NUP35: variants seen among roughly 807,000 people sequenced by gnomAD.
NUP35 encodes the protein nucleoporin 35, also known as nucleoporin NUP35.
In NUP35, 25 loss-of-function variants were observed where a neutral mutation model predicts 41.5. The ratio of observed to expected loss-of-function variants is 0.60; its 90% CI spans 0.44 to 0.84. The LOEUF is 0.84. Among genes scored for constraint, NUP35 ranks in the 40% least tolerant of loss-of-function variants. NUP35 has a pLI of 0.00. For synonymous variants in NUP35, 149 were observed against 130.7 expected, an observed-to-expected ratio of 1.14 and a Z score of -0.96; for missense variants, 396 against 396.6, an observed-to-expected ratio of 1.00 and a Z score of 0.01.
chr2:183,146,206 A>G (rs1469614683), intron 4 of NUP35, among the ~76,000 whole-genome samples: 1 of 152,214 alleles, frequency 6.6e-6, no homozygotes, highest in African/African-American at 2.4e-5. Context: ...ACTGCACTCC[A>G]GCCTGGGCAA....
intron 4 of NUP35, among the ~76,000 whole-genome samples, chr2:183,135,485 A>T (rs976058953): frequency 6.6e-6 from 1 of 152,202 alleles, no homozygotes; most frequent in Non-Finnish European, 1.5e-5. Flanking sequence ...TATTGTCACA[A>T]TTGGTCTTTA....
At chr2:183,119,421 A>T (rs540139899) in intron 1 of NUP35, among the ~76,000 whole-genome samples, 3 of 152,286 alleles carry the variant, frequency 2.0e-5, no homozygotes, top group South Asian at 2.1e-4. Context: ...CAGCAAAGTG[A>T]GGTGAAGAGA....
chr2:183,151,673 T>C (rs1271319085), intron 5 of NUP35, 24 bp downstream of exon 5: 3 of 1,592,740 alleles, frequency 1.9e-6, no homozygotes, highest in Non-Finnish European at 2.6e-6. Context: ...ACCATTTGCC[T>C]TTTAAAAACC....
chr2:183,120,266 C>T (rs991232563), upstream of NUP35, among the ~76,000 whole-genome samples: 1 of 151,958 alleles, frequency 6.6e-6, no homozygotes, highest in Non-Finnish European at 1.5e-5. Flanking sequence ...GCCAACATGG[C>T]AAAACCCTGT....
intron 4 of NUP35, among the ~76,000 whole-genome samples, chr2:183,143,098 G>A (rs1685157034): frequency 6.6e-6 from 1 of 150,640 alleles, no homozygotes; most frequent in Non-Finnish European, 1.5e-5. Context: ...GGAGCTTGCA[G>A]TGAGCTGAGA....
At chr2:183,128,580 CTAA>C in intron 2 of NUP35, 123 bp downstream of exon 2, 1 of 465,438 alleles carries the variant, frequency 2.1e-6, no homozygotes, top group Non-Finnish European at 3.6e-6. Flanking sequence ...TACAGTAACT[CTAA>C]TAATAGCTGA....
chr2:183,142,031 G>A (rs746650228), intron 4 of NUP35, among the ~76,000 whole-genome samples: 1 of 152,178 alleles, frequency 6.6e-6, no homozygotes, highest in Non-Finnish European at 1.5e-5. Flanking sequence ...TAGGTGGGTA[G>A]GTTGGAATTT....
upstream of NUP35, chr2:183,124,236 G>C: frequency 8.5e-7 from 1 of 1,173,066 alleles, no homozygotes; most frequent in South Asian, 1.9e-5. Context: ...ACCATACGCT[G>C]GTTCGCCACC....
intron 3 of NUP35, among the ~76,000 whole-genome samples, chr2:183,132,219 G>T (rs965419528): frequency 6.6e-6 from 1 of 151,862 alleles, no homozygotes; most frequent in African/African-American, 2.4e-5. Context: ...GATGGGATTT[G>T]TCCTGTTGCC....
intron 4 of NUP35, among the ~76,000 whole-genome samples, chr2:183,138,115 G>A (rs947110093): frequency 6.6e-6 from 1 of 151,694 alleles, no homozygotes. Flanking sequence ...TGGGGTATAA[G>A]TGACAAAGAA....
In NUP35 at chr2:183,157,533, A is replaced by G. The variant is rs369149863; in HGVS notation, c.609+20A>G. 4.6e-6 allele frequency: 7 copies of G among 1,534,054 alleles called. No homozygotes were observed. In the Admixed American group the frequency reaches 8.5e-5, roughly 19 times the overall value. ...CATGTGGTAAGGCTTAATTTTTTTC[A>G]GTTCAGAGTTTTGACTAAAGAGGGA... On this transcript the variant is annotated intron_variant, in intron 6 of 8. Transcript: ENST00000295119.
rs1685793892 is a variant in NUP35, at chr2:183,159,581, G to C, written c.832G>C (p.Gly278Arg). The change falls in exon 8 of 9, where the codon GGA (glycine) becomes CGA (arginine). Residue 278 changes from glycine to arginine, a missense_variant. Gly to Arg is a moderately radical substitution (Grantham distance 125, BLOSUM62 -2). Coordinates refer to ENST00000295119, the MANE Select transcript of NUP35 (RefSeq NM_138285.5). ...IKTLGTPTQP[G>R]STPRISTMRP... ...AACTCTAGGTACACCAACACAACCT[G>C]GAAGTACTCCTAGGATTTCTACCAT... The C allele has an allele frequency of 6.2e-7, 1 of 1,612,964 alleles. No individual in the cohort carries two copies. The highest frequency in any genetic ancestry group is 8.5e-7 in the Non-Finnish European group (1 of 1,179,348).
chr2:183,124,294 T>C (rs1700112483), upstream of NUP35: 2 of 1,473,938 alleles, frequency 1.4e-6, no homozygotes, highest in East Asian at 4.8e-5. Context: ...CGCAAAGACT[T>C]TGCCCTATTC....
upstream of NUP35, among the ~76,000 whole-genome samples, chr2:183,123,609 G>C (rs1194166051): frequency 6.6e-6 from 1 of 152,214 alleles, no homozygotes; most frequent in Non-Finnish European, 1.5e-5. Flanking sequence ...GTATGGAGCA[G>C]AGAACGTCCC....
intron 2 of NUP35, among the ~76,000 whole-genome samples, chr2:183,128,662 T>G (rs1395302074): frequency 6.6e-6 from 1 of 152,054 alleles, no homozygotes; most frequent in African/African-American, 2.4e-5. Flanking sequence ...CAATTTGTGT[T>G]GGGCAACATT....
At chr2:183,117,738 A>G (rs982630999) in intron 1 of NUP35, 2 of 152,210 alleles carry the variant, frequency 1.3e-5, no homozygotes, top group Non-Finnish European at 2.9e-5. Flanking sequence ...ATTTATATAC[A>G]AACACTGCAT....
chr2:183,134,610 A>G (rs1307979750), intron 4 of NUP35, among the ~76,000 whole-genome samples: 1 of 151,536 alleles, frequency 6.6e-6, no homozygotes, highest in Non-Finnish European at 1.5e-5. Flanking sequence ...TTCTAGACAA[A>G]AATCTATTTT....
upstream of NUP35, chr2:183,123,709 G>A (rs1300135923): frequency 1.2e-5 from 9 of 723,260 alleles, no homozygotes; most frequent in Non-Finnish European, 1.5e-5. Context: ...TGCAGAATAT[G>A]TGTATGTGAT....
chr2:183,121,562 G>A (rs2105525256), upstream of NUP35, among the ~76,000 whole-genome samples: 1 of 152,128 alleles, frequency 6.6e-6, no homozygotes, highest in South Asian at 2.1e-4. Context: ...GGCTGGGCGC[G>A]GTGGCTCACA....
Sources: gnomAD v4.1 joint callset for allele counts (sites outside exome capture counted in the v4.1 genomes callset) on GRCh38, gnomAD v4.1.1 for gene constraint, MANE v1.5 for transcripts, NCBI Gene and HGNC (gene_info 2026-07-23, HGNC 2026-07-21) for gene names.